PKNOX2: variants seen among roughly 807,000 people sequenced by gnomAD.
PKNOX2 encodes the protein homeobox protein PKNOX2.
Under a neutral mutation model 53.1 loss-of-function variants are expected in PKNOX2, and 14 were observed. The observed-to-expected ratio is 0.26, with a 90% CI of 0.17 to 0.41. The LOEUF (loss-of-function observed/expected upper bound fraction) is 0.41. PKNOX2 is among the 10% of genes least tolerant of loss of function. The probability of loss-of-function intolerance (pLI) is 1.00; values close to 1 mark genes in which losing one functional copy is unlikely to be tolerated. For synonymous variants in PKNOX2, 257 were observed against 242.8 expected (o/e 1.06, Z -0.54); for missense variants, 496 against 602.8 (o/e 0.82, Z 1.85).
intron 1 of PKNOX2, among the ~76,000 whole-genome samples, chr11:125,169,218 A>C (rs753512596): frequency 7.2e-5 from 11 of 152,324 alleles, no homozygotes; most frequent in Non-Finnish European, 1.5e-4. Flanking sequence ...AGGAAGTTCT[A>C]ATGGAAAATG....
intron 2 of PKNOX2, among the ~76,000 whole-genome samples, chr11:125,274,610 T>G (rs1323888443): frequency 6.6e-6 from 1 of 152,224 alleles, no homozygotes; most frequent in Non-Finnish European, 1.5e-5. Context: ...CACACGGGGA[T>G]GGAACATGTC....
chr11:125,323,207 G>A (rs1319895855), intron 2 of PKNOX2, among the ~76,000 whole-genome samples: 1 of 152,152 alleles, frequency 6.6e-6, no homozygotes, highest in Non-Finnish European at 1.5e-5. Context: ...GGGATCCTGG[G>A]CTCTGCTTTG....
At chr11:125,326,560 A>G (rs992365692) in intron 2 of PKNOX2, among the ~76,000 whole-genome samples, 1 of 152,214 alleles carries the variant, frequency 6.6e-6, no homozygotes, top group Non-Finnish European at 1.5e-5. Context: ...CACCATAAAC[A>G]AGTCGATGAA....
At chr11:125,198,429 C>T (rs1420749050) in intron 1 of PKNOX2, among the ~76,000 whole-genome samples, 1 of 152,146 alleles carries the variant, frequency 6.6e-6, no homozygotes, top group African/African-American at 2.4e-5. Flanking sequence ...GTAAGAAGGA[C>T]GGTGCATGGG....
chr11:125,413,415 C>T (rs1406849814), intron 10 of PKNOX2, among the ~76,000 whole-genome samples: 1 of 152,180 alleles, frequency 6.6e-6, no homozygotes, highest in Non-Finnish European at 1.5e-5. Flanking sequence ...GACTCAGTGA[C>T]CTGTGGGTCC....
intron 2 of PKNOX2, among the ~76,000 whole-genome samples, chr11:125,273,422 G>A (rs1945948757): frequency 6.6e-6 from 1 of 152,224 alleles, no homozygotes; most frequent in Admixed American, 6.5e-5. Context: ...AGGCGGGTCA[G>A]AGCGAGGGCT....
intron 1 of PKNOX2, among the ~76,000 whole-genome samples, chr11:125,177,114 G>T (rs570842949): frequency 3.2e-4 from 48 of 152,226 alleles, no homozygotes; most frequent in African/African-American, 1.1e-3. Flanking sequence ...GCCACAGGGG[G>T]ACTATATTTA....
chr11:125,431,040 T>C, intron 12 of PKNOX2, 126 bp from the exon 13 acceptor site: 1 of 1,454,736 alleles, frequency 6.9e-7, no homozygotes, highest in Non-Finnish European at 9.1e-7. Context: ...CAGCTCAGGC[T>C]TGGACAGCTC....
intron 2 of PKNOX2, among the ~76,000 whole-genome samples, chr11:125,301,647 A>G (rs1256887427): frequency 6.6e-6 from 1 of 152,174 alleles, no homozygotes; most frequent in Non-Finnish European, 1.5e-5. Flanking sequence ...TCTTCCAAAC[A>G]GCCCTGGAAA....
At chr11:125,227,426 T>G (rs73617559) in intron 1 of PKNOX2, among the ~76,000 whole-genome samples, 2,410 of 152,332 alleles carry the variant, frequency 0.016, 61 homozygotes, top group African/African-American at 0.054. Flanking sequence ...ACTTTCTATC[T>G]CTGTGAGTTT....
rs73019974 is a variant in PKNOX2 at position 125,292,026 on chromosome 11, C to A, written c.-129-39793C>A. Among the ~76,000 whole-genome samples, 1,361 of 152,252 alleles carry A rather than the reference C, an allele frequency of 8.9e-3. 22 individuals are homozygous for A. The highest frequency in any genetic ancestry group is 9.2e-3 in the Non-Finnish European group (624 of 68,032). Reference sequence around the variant, plus strand: ...CATGATAGTCTGAATATAACTATGGCACTGAATTGTACATTTAATGGTTAA... The same window carrying A: ...CATGATAGTCTGAATATAACTATGGAACTGAATTGTACATTTAATGGTTAA... On this transcript the variant is annotated intron_variant, in intron 2 of 12. Coordinates refer to ENST00000298282, the MANE Select transcript of PKNOX2 (RefSeq NM_001382323.2).
At chr11:125,198,504 T>C (rs1316360348) in intron 1 of PKNOX2, among the ~76,000 whole-genome samples, 1 of 152,230 alleles carries the variant, frequency 6.6e-6, no homozygotes, top group Non-Finnish European at 1.5e-5. Flanking sequence ...CCCTCCATGG[T>C]AGTGAGGTAA....
intron 5 of PKNOX2, among the ~76,000 whole-genome samples, chr11:125,374,857 G>A (rs1404544394): frequency 6.7e-6 from 1 of 148,224 alleles, no homozygotes; most frequent in Non-Finnish European, 1.5e-5. Flanking sequence ...CATTCATGAA[G>A]AAGGACTGCA....
chr11:125,298,447 G>A (rs1243264809), intron 2 of PKNOX2, among the ~76,000 whole-genome samples: 2 of 152,184 alleles, frequency 1.3e-5, no homozygotes, highest in Admixed American at 6.5e-5. Flanking sequence ...CCTCGGCCTG[G>A]CCACCAGAGT....
chr11:125,428,911 G>T, intron 10 of PKNOX2, 101 bp from the exon 11 acceptor site: 2 of 1,282,774 alleles, frequency 1.6e-6, no homozygotes, highest in Non-Finnish European at 2.2e-6. Flanking sequence ...AACCACTCGG[G>T]CTGCCTGGCT....
chr11:125,189,445 GTGTATATATATA>G (rs1309433331), intron 1 of PKNOX2, among the ~76,000 whole-genome samples: 36 of 50,578 alleles, frequency 7.1e-4, no homozygotes, highest in African/African-American at 2.2e-3. Context: ...GTGTGTGTGT[GTGTATATATATA>G]TATATATATA....
intron 2 of PKNOX2, among the ~76,000 whole-genome samples, chr11:125,249,933 C>T (rs553346721): frequency 4.6e-5 from 7 of 151,994 alleles, no homozygotes; most frequent in South Asian, 2.1e-4. Context: ...GGTGTGGTGG[C>T]GCATGCCTGC....
chr11:125,382,209 C>A (rs1473538287), intron 5 of PKNOX2, among the ~76,000 whole-genome samples: 1 of 152,272 alleles, frequency 6.6e-6, no homozygotes, highest in African/African-American at 2.4e-5. Context: ...TGCTTATATA[C>A]AGCATTAGCA....
intron 1 of PKNOX2, among the ~76,000 whole-genome samples, chr11:125,175,410 A>T (rs760943653): frequency 4.6e-5 from 7 of 152,124 alleles, no homozygotes; most frequent in Non-Finnish European, 8.8e-5. Flanking sequence ...CTCTGGGGAG[A>T]CAGGCTGCCA....
Sources: gnomAD v4.1 joint callset for allele counts (sites outside exome capture counted in the v4.1 genomes callset) on GRCh38, gnomAD v4.1.1 for gene constraint, MANE v1.5 for transcripts, NCBI Gene and HGNC (gene_info 2026-07-23, HGNC 2026-07-21) for gene names.